FSCN3: variants seen among roughly 807,000 people sequenced by gnomAD.
FSCN3 encodes fascin-3.
Under a neutral mutation model 53.5 loss-of-function variants are expected in FSCN3, and 43 were observed. That is an observed-to-expected ratio of 0.80 (90% CI 0.63 to 1.04). The LOEUF (loss-of-function observed/expected upper bound fraction) is 1.04. Ranked by LOEUF, FSCN3 falls within the 50% of genes least tolerant of loss-of-function variation. The pLI is 0.00. For missense variants in FSCN3, 594 were observed against 646.5 expected, an observed-to-expected ratio of 0.92 and a Z score of 0.88; for synonymous variants, 235 against 246.6, an observed-to-expected ratio of 0.95 and a Z score of 0.44.
intron 3 of FSCN3, among the ~76,000 whole-genome samples, chr7:127,597,880 G>T (rs1260304091): frequency 1.3e-5 from 2 of 152,134 alleles, no homozygotes; most frequent in African/African-American, 2.4e-5. Flanking sequence ...CGTTGTAAGT[G>T]GTCTTCATGT....
intron 3 of FSCN3, among the ~76,000 whole-genome samples, chr7:127,597,088 C>T (rs1226475756): frequency 6.6e-6 from 1 of 152,214 alleles, no homozygotes; most frequent in Non-Finnish European, 1.5e-5. Flanking sequence ...TTCTATAATG[C>T]TGCTCATAAA....
rs1199342567 is a variant in FSCN3, at chr7:127,593,983, T to C, written c.130T>C (p.Leu44=). ...KNTVTATAKS[L]GRRQTWEILV... ...TACAGTCACTGCAACTGCGAAGAGT[T>C]TGGGCAGGAGACAGGTGACAAAGCA... is the stretch of plus-strand genomic sequence containing the variant. The change falls in exon 1 of 7, where the codon TTG becomes CTG. Residue 44 remains leucine (L), a synonymous_variant. Transcript: ENST00000265825. 1.2e-6 allele frequency: 2 copies of C among 1,612,668 alleles called. No individual in the cohort carries two copies.
chr7:127,601,445 T>C (rs1488417133), intron 6 of FSCN3, among the ~76,000 whole-genome samples, 178 bp from the exon 7 acceptor site: 1 of 152,250 alleles, frequency 6.6e-6, no homozygotes, highest in Non-Finnish European at 1.5e-5. Flanking sequence ...TCAAGAGCTA[T>C]TAAGCTTCTT....
At chr7:127,594,407 C>T in intron 1 of FSCN3, 1 of 465,522 alleles carries the variant, frequency 2.1e-6, no homozygotes, top group Non-Finnish European at 4.5e-6. Context: ...CCCCATCTCC[C>T]ACCTCTCAAT....
In FSCN3 at chr7:127,593,920, T is replaced by G. The variant is rs1311641257; in HGVS notation, c.67T>G (p.Trp23Gly). ...GGACCTAAGGGTTGGGCTCATCAGC[T>G]GGGCAGGAACCTACCTCACCTTTGA... ...AEDLRVGLIS[W>G]AGTYLTFEAC... is the part of the protein sequence containing the mutation. The change falls in exon 1 of 7, where the codon TGG becomes GGG. Residue 23 changes from tryptophan to glycine, a missense_variant. Trp to Gly is a radical substitution (Grantham distance 184). Transcript: ENST00000265825. The G allele has an allele frequency of 2.5e-6, 4 of 1,606,032 alleles. No homozygotes were observed. Among genetic ancestry groups the G allele is most frequent in the Non-Finnish European group, 3.4e-6 (4 of 1,176,326 alleles).
chr7:127,595,196 G>A (rs987238057), intron 1 of FSCN3, 111 bp from the exon 2 acceptor site: 1 of 831,956 alleles, frequency 1.2e-6, no homozygotes, highest in Non-Finnish European at 1.9e-6. Context: ...AGAGGAGGTG[G>A]CTGGTGCTGA....
intron 6 of FSCN3, 31 bp downstream of exon 6, chr7:127,600,430 G>A (rs1323482652): frequency 1.5e-6 from 2 of 1,361,350 alleles, no homozygotes; most frequent in Non-Finnish European, 2.1e-6. Flanking sequence ...AGGGGCTAGG[G>A]GAGCAGAAGC....
intron 2 of FSCN3, 111 bp from the exon 3 acceptor site, chr7:127,596,217 A>G (rs1389136661): frequency 1.6e-5 from 25 of 1,532,716 alleles, no homozygotes; most frequent in Non-Finnish European, 1.9e-5. Flanking sequence ...ACCATGGTCC[A>G]ACAGAAAGTG....
At chr7:127,594,086 GTA>G (rs148632991) in intron 1 of FSCN3, 89 bp downstream of exon 1, 274,011 of 1,289,596 alleles carry the variant, frequency 0.21, 31,924 homozygotes, top group East Asian at 0.61. Context: ...GTGCGTGAGT[GTA>G]TGTGTGTGTG....
chr7:127,595,278 T>C (rs1331277723), intron 1 of FSCN3, 29 bp from the exon 2 acceptor site: 2 of 1,574,962 alleles, frequency 1.3e-6, no homozygotes, highest in African/African-American at 2.7e-5. Flanking sequence ...TGATACTGAT[T>C]TCCCTCTTCT....
In FSCN3 at chr7:127,599,428, G is replaced by A. The variant is rs1794437938; in HGVS notation, c.1168G>A (p.Val390Ile). 6.2e-7 allele frequency: 1 copy of A among 1,613,990 alleles called. No homozygotes were observed. The highest frequency in any genetic ancestry group is 8.5e-7 in the Non-Finnish European group (1 of 1,179,934). The change falls in exon 5 of 7, where the codon GTA (valine) becomes ATA (isoleucine). Residue 390 changes from valine (V) to isoleucine (I), a missense_variant. Coordinates refer to ENST00000265825, the MANE Select transcript of FSCN3 (RefSeq NM_020369.3). ...GILFANRSFLVLRGRYGYVGS... is the reference protein window; with the variant it reads ...GILFANRSFLILRGRYGYVGS... Reference sequence around the variant, plus strand: ...TTTATTTGCCAATCGCTCCTTCCTTGTATTGCGAGGTCGTTATGGCTATGT... The same window carrying A: ...TTTATTTGCCAATCGCTCCTTCCTTATATTGCGAGGTCGTTATGGCTATGT...
rs1198693008 is a variant in FSCN3, at chr7:127,595,290, C to T, written c.145-17C>T. The T allele has an allele frequency of 1.3e-6, 2 of 1,589,412 alleles. No homozygotes were observed. The highest frequency in any genetic ancestry group is 2.3e-5 in the South Asian group (2 of 87,850). On this transcript the variant is annotated splice_polypyrimidine_tract_variant and intron_variant, in intron 1 of 6. Transcript: ENST00000265825. ...TCGTGATACTGATTTCCCTCTTCTC[C>T]CTCCTGATGCCTCCAGACCTGGGAG...
intron 1 of FSCN3, 91 bp downstream of exon 1, chr7:127,594,088 A>ATGTGTG (rs10685553): frequency 1.6e-5 from 15 of 935,862 alleles, no homozygotes; most frequent in African/African-American, 8.5e-5. Context: ...GCGTGAGTGT[A>ATGTGTG]TGTGTGTGTG....
intron 3 of FSCN3, 99 bp downstream of exon 3, chr7:127,596,545 T>G (rs1445441194): frequency 5.3e-6 from 3 of 564,772 alleles, no homozygotes; most frequent in East Asian, 5.7e-5. Flanking sequence ...GAGAGGATGA[T>G]GTGGGCTGTG....
Position 127,595,714 on chromosome 7 carries a change from C to G in FSCN3, c.552C>G (p.Phe184Leu), listed in dbSNP as rs761288945. ...AGGAGTGTGGCTTCCTGTTGCATTT[C>G]CGAGATGGATGCTACCACCTGGAGA... The part of the protein sequence containing the change: ...CLEECGFLLH[F>L]RDGCYHLETS... The change falls in exon 2 of 7, where the codon TTC becomes TTG. Residue 184 changes from phenylalanine (F) to leucine (L), a missense_variant. Phe to Leu is a conservative substitution (Grantham distance 22). Coordinates refer to ENST00000265825, the MANE Select transcript of FSCN3 (RefSeq NM_020369.3). 2.7e-5 allele frequency: 44 copies of G among 1,613,750 alleles called. No homozygotes were observed. The highest frequency in any genetic ancestry group is 2.2e-5 in the Non-Finnish European group (26 of 1,179,914).
chr7:127,594,669 G>A (rs1794357159), intron 1 of FSCN3: 2 of 470,970 alleles, frequency 4.2e-6, no homozygotes, highest in Non-Finnish European at 8.8e-6. Flanking sequence ...TTGAGAATGG[G>A]GAACTCCAGA....
In FSCN3 at chr7:127,599,416, C is replaced by T. The variant is rs369121584; in HGVS notation, c.1156C>T (p.Arg386Cys). 8.7e-6 allele frequency: 14 copies of T among 1,613,762 alleles called. No homozygotes were observed. The highest frequency in any genetic ancestry group is 1.6e-4 in the Middle Eastern group (1 of 6,084). The change falls in exon 5 of 7, where the codon CGC becomes TGC. Residue 386 changes from arginine (R) to cysteine (C), a missense_variant. Coordinates refer to ENST00000265825, the MANE Select transcript of FSCN3 (RefSeq NM_020369.3). ...NEEFGILFAN[R>C]SFLVLRGRYG... ...GGAATTTGGGATTTTATTTGCCAAT[C>T]GCTCCTTCCTTGTATTGCGAGGTCG...
intron 3 of FSCN3, among the ~76,000 whole-genome samples, chr7:127,597,766 C>G (rs1321845961): frequency 6.6e-6 from 1 of 152,180 alleles, no homozygotes; most frequent in Admixed American, 6.5e-5. Context: ...GCATGAGCCA[C>G]CGTGCCCGTT....
At chr7:127,594,837 C>T (rs760960754) in intron 1 of FSCN3, 9 of 472,156 alleles carry the variant, frequency 1.9e-5, no homozygotes, top group Non-Finnish European at 3.1e-5. Flanking sequence ...CCATCTTCAT[C>T]CCTGGAGCCA....
Sources: gnomAD v4.1 joint callset for allele counts (sites outside exome capture counted in the v4.1 genomes callset) on GRCh38, gnomAD v4.1.1 for gene constraint, MANE v1.5 for transcripts, NCBI Gene and HGNC (gene_info 2026-07-23, HGNC 2026-07-21) for gene names.